The following SLC39A13 variants were observed in gnomAD, a reference collection of about 807,000 sequenced individuals.
SLC39A13 encodes solute carrier family 39 member 13.
SLC39A13 carries 18 observed loss-of-function variants against 38.7 expected under a neutral mutation model. The ratio of observed to expected loss-of-function variants is 0.47; its 90% CI spans 0.32 to 0.69. The LOEUF is 0.69. SLC39A13 is among the 30% of genes least tolerant of loss of function. The probability of loss-of-function intolerance (pLI) is 0.03; values close to 1 mark genes in which losing one functional copy is unlikely to be tolerated. For missense variants in SLC39A13, 395 were observed against 490.7 expected (o/e 0.80, Z 1.84); for synonymous variants, 212 against 219.1 (o/e 0.97, Z 0.29).
chr11:47,415,742 G>T lies in SLC39A13; in HGVS notation c.*379G>T. 2.7e-6 allele frequency: 1 copy of T among 367,916 alleles called. No individual in the cohort carries two copies. The highest frequency in any genetic ancestry group is 5.2e-6 in the Non-Finnish European group (1 of 191,416). The allele number at this position is 367,916 out of a possible 1,614,324, so 22.8% of individuals were successfully genotyped here. On this transcript the variant is annotated 3_prime_UTR_variant, in exon 10 of 10. Coordinates refer to ENST00000362021, the MANE Select transcript of SLC39A13 (RefSeq NM_001128225.3). ...GAGTGAGAGCAGCCCAAGGATCCAG[G>T]GTGCAGGGAACTCCAGAGCTGCCCA... is the stretch of plus-strand genomic sequence containing the variant.
At position 47,413,493 on chromosome 11, in the gene SLC39A13, G is replaced by A; in HGVS notation, c.631G>A (p.Val211Ile). 1.2e-6 allele frequency: 2 copies of A among 1,614,066 alleles called. No homozygotes were observed. The highest frequency in any genetic ancestry group is 1.1e-5 in the South Asian group (1 of 91,078). ...PAAEPGLGAVVRSIKVSGYLN... is the reference protein window; with the variant it reads ...PAAEPGLGAVIRSIKVSGYLN... ...TGCAGAGCCCGGCCTCGGTGCCGTG[G>A]TCCGGAGCATCAAAGTGAGTGGCCT... The change falls in exon 5 of 10, where the codon GTC becomes ATC. Residue 211 changes from valine (V) to isoleucine (I), a missense_variant. By Grantham distance (29) the Val-to-Ile change is conservative (BLOSUM62 3). Transcript: ENST00000362021.
At chr11:47,410,546 C>G in intron 2 of SLC39A13, 151 bp downstream of exon 2, 1 of 1,109,270 alleles carries the variant, frequency 9.0e-7, no homozygotes, top group Non-Finnish European at 1.3e-6. Context: ...AGCTATCTAG[C>G]CAGGGGCGGC....
rs1253042772 is a variant in SLC39A13 at position 47,411,939 on chromosome 11, C to T, written c.315C>T (p.Arg105=). 6.2e-7 allele frequency: 1 copy of T among 1,613,516 alleles called. No homozygotes were observed. The highest frequency in any genetic ancestry group is 2.2e-5 in the East Asian group (1 of 44,884). ...TCTCCCTTGTAGCTGGGGCCTGGCG[C>T]CTGAAGCAGCTGCTCAGCTTCGCCC... The part of the protein sequence containing the change: ...TMLRSEAGAW[R]LKQLLSFALG... Residue 105 remains arginine, a synonymous_variant, in exon 3 of 10, where the codon CGC becomes CGT. Transcript: ENST00000362021.
chr11:47,415,682 T>G lies in SLC39A13; in HGVS notation c.*319T>G. On this transcript the variant is annotated 3_prime_UTR_variant, in exon 10 of 10. Transcript: ENST00000362021. ...AAGCAGCGAGGAAGAGCAGCACTGG[T>G]CCCAAGCAGAGGCCTTGCCCTGCTG... 2 of 449,990 alleles carry G rather than the reference T, an allele frequency of 4.4e-6. No homozygotes were observed. The highest frequency in any genetic ancestry group is 8.3e-6 in the Non-Finnish European group (2 of 240,896). 27.9% of individuals were successfully genotyped at this position (449,990 alleles called of 1,614,324 possible). A position where few individuals can be genotyped will look rare whatever the true frequency, so the allele number is the denominator to read the frequency against.
In SLC39A13 at chr11:47,415,826, G is replaced by A. The variant is rs1438857423; in HGVS notation, c.*463G>A. 5.2e-5 allele frequency: 13 copies of A among 250,732 alleles called. 1 individual carries two copies. The highest frequency in any genetic ancestry group is 3.0e-4 in the Admixed American group (6 of 20,022). 15.5% of individuals were successfully genotyped at this position (250,732 alleles called of 1,614,324 possible). A position where few individuals can be genotyped will look rare whatever the true frequency, so the allele number is the denominator to read the frequency against. On this transcript the variant is annotated 3_prime_UTR_variant, in exon 10 of 10. Transcript: ENST00000362021. ...CCAGGCGGCCTAGGGGCCAAGGCTG[G>A]GGCGGCTTTGGTCCCTTTTCCTGGC...
intron 2 of SLC39A13, among the ~76,000 whole-genome samples, chr11:47,410,645 G>A (rs1003461916): frequency 6.6e-6 from 1 of 152,100 alleles, no homozygotes; most frequent in African/African-American, 2.4e-5. Flanking sequence ...TGTGGGCACG[G>A]GTGGGAGCTT....
rs121434363 is a variant in SLC39A13, at chr11:47,410,315, G to A, written c.221G>A (p.Gly74Asp). 4 of 1,614,042 alleles carry A rather than the reference G, an allele frequency of 2.5e-6. No homozygotes were observed. The highest frequency in any genetic ancestry group is 3.3e-5 in the Admixed American group (2 of 60,008). The change falls in exon 2 of 10, where the codon GGT (glycine) becomes GAT (aspartate). Residue 74 changes from glycine (G) to aspartate (D), a missense_variant. Coordinates refer to ENST00000362021, the MANE Select transcript of SLC39A13 (RefSeq NM_001128225.3). The part of the protein sequence containing the change: ...RLDTWICSLL[G>D]SLMVGLSGVF... Reference sequence around the variant, plus strand: ...GACACCTGGATCTGCTCCCTCCTGGGTTCCCTCATGGTGGGGCTCAGTGGG... The same window carrying A: ...GACACCTGGATCTGCTCCCTCCTGGATTCCCTCATGGTGGGGCTCAGTGGG...
In SLC39A13 at chr11:47,409,630, G is replaced by A. The variant is rs116833754; in HGVS notation, c.-8-457G>A. The stretch of plus-strand genomic sequence containing the variant: ...CATGTCCTAGGAAGAAGCGTGGATG[G>A]TCTTGCCCTGGCTCATCTGCTCAGT... On this transcript the variant is annotated intron_variant, in intron 1 of 9. Coordinates refer to ENST00000362021, the MANE Select transcript of SLC39A13 (RefSeq NM_001128225.3). The A allele has an allele frequency of 4.3e-3, 869 of 202,600 alleles. 10 individuals are homozygous for A. The highest frequency in any genetic ancestry group is 0.018 in the African/African-American group (779 of 42,518). The allele number at this position is 202,600 out of a possible 1,614,324, so 12.6% of individuals were successfully genotyped here.
chr11:47,407,789 A>G (rs1014887938), upstream of SLC39A13, among the ~76,000 whole-genome samples: 3 of 152,238 alleles, frequency 2.0e-5, no homozygotes, highest in Non-Finnish European at 4.4e-5. Context: ...GTGCGAGTAA[A>G]GTGAATAGCA....
At chr11:47,414,534 A>G in intron 7 of SLC39A13, 59 bp downstream of exon 7, 2 of 1,589,854 alleles carry the variant, frequency 1.3e-6, no homozygotes, top group Non-Finnish European at 1.7e-6. Context: ...CATGATCAGC[A>G]TGGGTGTGGA....
chr11:47,409,762 A>AGCTGG, intron 1 of SLC39A13: 1 of 318,514 alleles, frequency 3.1e-6, no homozygotes, highest in Non-Finnish European at 6.0e-6. Context: ...AGAGACACCC[A>AGCTGG]GCTGGGCCGG....
At chr11:47,412,765 T>TTC (rs2096006293) in intron 4 of SLC39A13, among the ~76,000 whole-genome samples, 1 of 148,948 alleles carries the variant, frequency 6.7e-6, no homozygotes, top group East Asian at 1.9e-4. Flanking sequence ...TATCTTTTTT[T>TTC]TTTTTTTTTT....
In SLC39A13 at chr11:47,414,803, G is replaced by A. The variant is rs1311486541; in HGVS notation, c.813G>A (p.Arg271=). Residue 271 remains arginine, a synonymous_variant, in exon 8 of 10, where the codon CGG becomes CGA. Coordinates refer to ENST00000362021, the MANE Select transcript of SLC39A13 (RefSeq NM_001128225.3). ...HEVGDFAILL[R]AGFDRWSAAK... ...TGGGCGACTTTGCCATCCTGCTCCG[G>A]GCCGGCTTTGACCGATGGAGCGCAG... 3 of 1,610,920 alleles carry A rather than the reference G, an allele frequency of 1.9e-6. No individual in the cohort carries two copies. The highest frequency in any genetic ancestry group is 2.5e-6 in the Non-Finnish European group (3 of 1,180,006).
Position 47,409,926 on chromosome 11 carries a change from C to T in SLC39A13, c.-8-161C>T, listed in dbSNP as rs147216895. On this transcript the variant is annotated intron_variant, in intron 1 of 9. Transcript: ENST00000362021. ...AGTAGGGTGTGGAGACACAGGGCCC[C>T]ATTGCTGTGCACCCAGCATTTGGAT... 1.7e-3 allele frequency: 1,264 copies of T among 757,228 alleles called. 1 individual carries two copies. Among genetic ancestry groups the T allele is most frequent in the Non-Finnish European group, 2.4e-3 (1,115 of 456,450 alleles). The allele number at this position is 757,228 out of a possible 1,614,324, so 46.9% of individuals were successfully genotyped here.
upstream of SLC39A13, among the ~76,000 whole-genome samples, chr11:47,407,792 G>GA (rs2095977508): frequency 6.6e-6 from 1 of 152,242 alleles, no homozygotes; most frequent in East Asian, 1.9e-4. Flanking sequence ...CGAGTAAAGT[G>GA]AATAGCACAT....
Position 47,411,985 on chromosome 11 carries a change from G to C in SLC39A13, c.361G>C (p.Val121Leu). ...CGCCCTGGGGGGACTCTTGGGCAAT[G>C]TGTTTCTGCATCTGCTGCCCGAAGC... Reference protein sequence around the residue: ...SFALGGLLGNVFLHLLPEAWA... With the variant: ...SFALGGLLGNLFLHLLPEAWA... The change falls in exon 3 of 10, where the codon GTG (valine) becomes CTG (leucine). Residue 121 changes from valine (V) to leucine (L), a missense_variant. By Grantham distance (32) the Val-to-Leu change is conservative. Coordinates refer to ENST00000362021, the MANE Select transcript of SLC39A13 (RefSeq NM_001128225.3). 1 of 1,613,918 alleles carries C rather than the reference G, an allele frequency of 6.2e-7. No homozygotes were observed.
In SLC39A13 at chr11:47,413,647, C is replaced by G; in HGVS notation, c.696C>G (p.His232Gln). The change falls in exon 6 of 10, where the codon CAC (histidine) becomes CAG (glutamine). Residue 232 changes from histidine (H) to glutamine (Q), a missense_variant. Coordinates refer to ENST00000362021, the MANE Select transcript of SLC39A13 (RefSeq NM_001128225.3). ...LLANTIDNFT[H>Q]GLAVAASFLV... Reference sequence around the variant, plus strand: ...CCAACACCATCGATAACTTCACCCACGGGCTGGCTGTGGCTGCCAGCTTCC... The same window carrying G: ...CCAACACCATCGATAACTTCACCCAGGGGCTGGCTGTGGCTGCCAGCTTCC... 2 of 1,614,224 alleles carry G rather than the reference C, an allele frequency of 1.2e-6. No individual in the cohort carries two copies. Among genetic ancestry groups the G allele is most frequent in the South Asian group, 2.2e-5 (2 of 91,088 alleles).
rs1480479561 is a variant in SLC39A13, at chr11:47,415,838, T to G, written c.*475T>G. 4.5e-5 allele frequency: 11 copies of G among 243,132 alleles called. No homozygotes were observed. Among genetic ancestry groups the G allele is most frequent in the Non-Finnish European group, 8.2e-6 (1 of 121,888 alleles). 15.1% of individuals were successfully genotyped at this position (243,132 alleles called of 1,614,324 possible). On this transcript the variant is annotated 3_prime_UTR_variant, in exon 10 of 10. Coordinates refer to ENST00000362021, the MANE Select transcript of SLC39A13 (RefSeq NM_001128225.3). Reference sequence around the variant, plus strand: ...GGGGCCAAGGCTGGGGCGGCTTTGGTCCCTTTTCCTGGCCCTTCCTTCCCC... The same window carrying G: ...GGGGCCAAGGCTGGGGCGGCTTTGGGCCCTTTTCCTGGCCCTTCCTTCCCC...
chr11:47,413,738 G>T, intron 6 of SLC39A13, 52 bp downstream of exon 6: 1 of 1,581,588 alleles, frequency 6.3e-7, no homozygotes, highest in East Asian at 2.3e-5. Flanking sequence ...GCAGCCATGT[G>T]GATTCCACCT....
Sources: gnomAD v4.1 joint callset for allele counts (sites outside exome capture counted in the v4.1 genomes callset) on GRCh38, gnomAD v4.1.1 for gene constraint, MANE v1.5 for transcripts, NCBI Gene and HGNC (gene_info 2026-07-23, HGNC 2026-07-21) for gene names.